The following AGBL4 variants were observed in gnomAD, a reference collection of about 807,000 sequenced individuals.
AGBL4 encodes the protein cytosolic carboxypeptidase 6.
A neutral mutation model predicts 66.4 loss-of-function variants in AGBL4; 58 were observed. That is an observed-to-expected ratio of 0.87 (90% CI 0.71 to 1.09). The LOEUF is 1.09. AGBL4 is among the 50% of genes least tolerant of loss of function. AGBL4 has a pLI of 0.00. For synonymous variants in AGBL4, 234 were observed against 222.9 expected (o/e 1.05, Z -0.44); for missense variants, 579 against 631.0 (o/e 0.92, Z 0.88).
intron 5 of AGBL4, among the ~76,000 whole-genome samples, chr1:48,969,518 G>A (rs955738887): frequency 1.1e-4 from 17 of 151,956 alleles, no homozygotes; most frequent in African/African-American, 3.9e-4. Context: ...GATTTGCAAA[G>A]ATTAAATTAA....
chr1:49,276,658 A>T (rs1644173825), intron 3 of AGBL4, among the ~76,000 whole-genome samples: 1 of 152,168 alleles, frequency 6.6e-6, no homozygotes, highest in African/African-American at 2.4e-5. Flanking sequence ...ACTACCTGTG[A>T]GGTTTCATTT....
At chr1:48,817,132 A>G (rs936280758) in intron 6 of AGBL4, among the ~76,000 whole-genome samples, 6 of 152,226 alleles carry the variant, frequency 3.9e-5, no homozygotes, top group African/African-American at 1.4e-4. Context: ...TGTTTGCCCA[A>G]GTGCTTTATG....
chr1:48,871,462 G>A (rs1369357190), intron 5 of AGBL4, among the ~76,000 whole-genome samples: 1 of 151,818 alleles, frequency 6.6e-6, no homozygotes, highest in Non-Finnish European at 1.5e-5. Flanking sequence ...TTGGATGGAG[G>A]AGAATGCATC....
chr1:49,778,139 C>G (rs1248543042), intron 2 of AGBL4, among the ~76,000 whole-genome samples: 3 of 152,198 alleles, frequency 2.0e-5, no homozygotes, highest in Non-Finnish European at 4.4e-5. Flanking sequence ...CCTCCACTCA[C>G]AGCATGGAAG....
chr1:49,565,314 G>T (rs1340168275), intron 3 of AGBL4, among the ~76,000 whole-genome samples: 1 of 152,106 alleles, frequency 6.6e-6, no homozygotes, highest in Non-Finnish European at 1.5e-5. Context: ...TTTAAGGTAA[G>T]AATTGTTATG....
chr1:49,395,783 A>AG (rs1644951798), intron 3 of AGBL4, among the ~76,000 whole-genome samples: 1 of 138,148 alleles, frequency 7.2e-6, no homozygotes, highest in African/African-American at 2.8e-5. Flanking sequence ...ATACATGTGT[A>AG]TATATGTATA....
At chr1:49,525,168 T>C (rs1570947883) in intron 3 of AGBL4, among the ~76,000 whole-genome samples, 1 of 152,114 alleles carries the variant, frequency 6.6e-6, no homozygotes, top group East Asian at 1.9e-4. Context: ...TGGTGAACAA[T>C]ATAGACAAGA....
At chr1:48,752,318 T>G (rs1333544887) in intron 6 of AGBL4, among the ~76,000 whole-genome samples, 2 of 152,180 alleles carry the variant, frequency 1.3e-5, no homozygotes, top group Non-Finnish European at 2.9e-5. Context: ...AAGAGAAGAC[T>G]GAGCCACAAC....
intron 11 of AGBL4, among the ~76,000 whole-genome samples, chr1:48,561,138 T>C (rs1304577188): frequency 6.6e-6 from 1 of 152,214 alleles, no homozygotes; most frequent in Non-Finnish European, 1.5e-5. Context: ...GAAAGTACCA[T>C]AATTGAGGTG....
chr1:48,788,882 G>A (rs981397455), intron 6 of AGBL4, among the ~76,000 whole-genome samples: 1 of 152,078 alleles, frequency 6.6e-6, no homozygotes, highest in African/African-American at 2.4e-5. Flanking sequence ...TTTGTGAAAC[G>A]GGAAAATGAA....
chr1:49,534,944 G>C (rs944185753), intron 3 of AGBL4, among the ~76,000 whole-genome samples: 6 of 152,168 alleles, frequency 3.9e-5, no homozygotes, highest in Non-Finnish European at 8.8e-5. Context: ...ACTAAAATTG[G>C]AAATAACCTC....
chr1:48,684,792 G>C (rs949406961), intron 6 of AGBL4, among the ~76,000 whole-genome samples: 1 of 152,086 alleles, frequency 6.6e-6, no homozygotes, highest in African/African-American at 2.4e-5. Flanking sequence ...GGAAAAGAGA[G>C]AATCCAAGGA....
At chr1:49,992,370 T>C (rs1190936199) in intron 1 of AGBL4, among the ~76,000 whole-genome samples, 1 of 132,038 alleles carries the variant, frequency 7.6e-6, no homozygotes, top group East Asian at 2.5e-4. Context: ...AGACTCCGTC[T>C]CAAAAAAAAA....
intron 3 of AGBL4, among the ~76,000 whole-genome samples, chr1:49,283,765 A>G (rs1460613876): frequency 1.3e-5 from 2 of 148,788 alleles, no homozygotes; most frequent in Admixed American, 6.8e-5. Context: ...AAGAAAGGGT[A>G]TCAGCAATGG....
chr1:48,764,562 A>C (rs56296962), intron 6 of AGBL4, among the ~76,000 whole-genome samples: 14,261 of 152,240 alleles, frequency 0.094, 824 homozygotes, highest in East Asian at 0.17. Flanking sequence ...TGAGAAGGCA[A>C]GAAAAGGTGG....
chr1:49,402,137 A>ATTGACTTTTTGTGTTGTTTTC (rs1553196121), intron 3 of AGBL4, among the ~76,000 whole-genome samples: 2 of 151,732 alleles, frequency 1.3e-5, no homozygotes, highest in Non-Finnish European at 2.9e-5. Context: ...TTTTTGTTTT[A>ATTGACTTTTTGTGTTGTTTTC]TTGACTTTTT....
chr1:48,965,537 C>A (rs1042170148), intron 5 of AGBL4, among the ~76,000 whole-genome samples: 2 of 152,178 alleles, frequency 1.3e-5, no homozygotes, highest in Non-Finnish European at 2.9e-5. Context: ...AATTTCACCA[C>A]AGTGGTAGCA....
chr1:48,927,244 G>A (rs1049227500), intron 5 of AGBL4, among the ~76,000 whole-genome samples: 3 of 152,130 alleles, frequency 2.0e-5, no homozygotes, highest in African/African-American at 4.8e-5. Flanking sequence ...ACAGTTCCAC[G>A]TGGCTGGGGA....
intron 4 of AGBL4, among the ~76,000 whole-genome samples, chr1:49,082,727 T>A (rs1349650732): frequency 1.3e-5 from 2 of 152,118 alleles, no homozygotes; most frequent in African/African-American, 2.4e-5. Context: ...TCAAAACCAA[T>A]CATGCCTTCC....
Sources: gnomAD v4.1 joint callset for allele counts (sites outside exome capture counted in the v4.1 genomes callset) on GRCh38, gnomAD v4.1.1 for gene constraint, MANE v1.5 for transcripts, NCBI Gene and HGNC (gene_info 2026-07-23, HGNC 2026-07-21) for gene names.